APBA2: variants seen among roughly 807,000 people sequenced by gnomAD.
APBA2 encodes amyloid beta precursor protein binding family A member 2.
A neutral mutation model predicts 75.0 loss-of-function variants in APBA2; 30 were observed. That is an observed-to-expected ratio of 0.40 (90% CI 0.30 to 0.54). APBA2 has a LOEUF of 0.54. Ranked by LOEUF, APBA2 falls within the 20% of genes least tolerant of loss-of-function variation. The probability of loss-of-function intolerance (pLI) is 0.49; values close to 1 mark genes in which losing one functional copy is unlikely to be tolerated. For missense variants in APBA2, 801 were observed against 1,016.1 expected, an observed-to-expected ratio of 0.79 and a Z score of 2.88; for synonymous variants, 444 against 409.6, an observed-to-expected ratio of 1.08 and a Z score of -1.01.
chr15:29,103,599 C>T (rs2044241461), intron 10 of APBA2, among the ~76,000 whole-genome samples: 1 of 152,200 alleles, frequency 6.6e-6, no homozygotes, highest in Non-Finnish European at 1.5e-5. Flanking sequence ...CGGAAGGAGG[C>T]GCAGCCCCGC....
At chr15:28,999,124 G>A (rs1372019234) in intron 3 of APBA2, among the ~76,000 whole-genome samples, 1 of 150,964 alleles carries the variant, frequency 6.6e-6, no homozygotes, top group Non-Finnish European at 1.5e-5. Context: ...TCCAGCCTGG[G>A]TGACAGAATG....
At chr15:29,010,539 C>T (rs910983547) in intron 3 of APBA2, among the ~76,000 whole-genome samples, 2 of 152,096 alleles carry the variant, frequency 1.3e-5, no homozygotes, top group Non-Finnish European at 2.9e-5. Flanking sequence ...ATTACAGGTG[C>T]GAGCCACCAC....
rs151037155 is a variant in APBA2 at position 29,046,751 on chromosome 15, T to C, written c.-40-7094T>C. On this transcript the variant is annotated intron_variant, in intron 3 of 14. Transcript: ENST00000683413. This position sits in a 1 kb window ranked among gnomAD's most constrained non-coding sequence, Gnocchi z 5.0. ...CTGCATTGGAGGAGTGACTCTTGGC[T>C]TTTCACAAGGACCTCTCCCTGCTTT... Among the ~76,000 whole-genome samples the C allele has an allele frequency of 2.0e-5, 3 of 152,300 alleles. No individual in the cohort carries two copies. In the East Asian group the frequency reaches 5.8e-4, roughly 29 times the overall value.
rs192718132 is a variant in APBA2 at position 29,097,580 on chromosome 15, A to G, written c.1252-910A>G. Among the ~76,000 whole-genome samples the G allele has an allele frequency of 5.0e-3, 760 of 152,376 alleles. 1 individual carries two copies. Among genetic ancestry groups the G allele is most frequent in the Non-Finnish European group, 8.8e-3 (602 of 68,032 alleles). ...ATTGTATGTATTTGTTATGTACAAC[A>G]TAATATTTTGGAGCATATACACATT... On this transcript the variant is annotated intron_variant, in intron 8 of 14. Transcript: ENST00000683413.
intron 3 of APBA2, among the ~76,000 whole-genome samples, chr15:29,021,528 T>C (rs1185393838): frequency 6.6e-6 from 1 of 152,174 alleles, no homozygotes; most frequent in Non-Finnish European, 1.5e-5. Flanking sequence ...TGTACAACTT[T>C]GTGAGTTTAG....
intron 6 of APBA2, among the ~76,000 whole-genome samples, chr15:29,085,466 A>T (rs1202045243): frequency 6.7e-6 from 1 of 149,474 alleles, no homozygotes; most frequent in Non-Finnish European, 1.5e-5. Context: ...CGGAGCTTGC[A>T]GTGAGCCGAG....
chr15:28,982,491 C>T (rs1004335426), intron 2 of APBA2, among the ~76,000 whole-genome samples: 3 of 152,206 alleles, frequency 2.0e-5, no homozygotes, highest in Non-Finnish European at 4.4e-5. Context: ...ACCTTGTTAG[C>T]ACAGGTCCAG....
intron 3 of APBA2, among the ~76,000 whole-genome samples, chr15:29,002,684 G>T (rs74007035): frequency 0.028 from 4,328 of 152,184 alleles, 210 homozygotes; most frequent in African/African-American, 0.099. Context: ...AAGTGATTAT[G>T]TTGAAAAACA....
At chr15:29,008,429 C>T (rs2039236615) in intron 3 of APBA2, among the ~76,000 whole-genome samples, 1 of 151,852 alleles carries the variant, frequency 6.6e-6, no homozygotes, top group Admixed American at 6.6e-5. Flanking sequence ...TTTCTTACAA[C>T]GGAAAGGACT....
At chr15:28,987,003 G>A (rs2037960650) in intron 2 of APBA2, among the ~76,000 whole-genome samples, 2 of 152,262 alleles carry the variant, frequency 1.3e-5, no homozygotes, top group South Asian at 4.1e-4. Flanking sequence ...GGAAGGCTCA[G>A]GAGAGTTCTC....
intron 1 of APBA2, among the ~76,000 whole-genome samples, chr15:28,911,078 A>G (rs1328072446): frequency 1.3e-5 from 2 of 152,316 alleles, no homozygotes; most frequent in East Asian, 3.9e-4. Context: ...ATTTTGTTAG[A>G]AAAAAGAACC....
At chr15:28,950,844 A>G (rs2035828886) in intron 2 of APBA2, among the ~76,000 whole-genome samples, 1 of 152,120 alleles carries the variant, frequency 6.6e-6, no homozygotes, top group East Asian at 1.9e-4. Context: ...TTACATCAAT[A>G]TGGATTTGTG....
intron 3 of APBA2, among the ~76,000 whole-genome samples, chr15:29,041,747 A>C (rs1402635877): frequency 1.3e-5 from 2 of 152,162 alleles, no homozygotes; most frequent in Non-Finnish European, 2.9e-5. Flanking sequence ...GATTTAAAAA[A>C]CTAGATATTG....
rs186232830 is a variant in APBA2, at chr15:29,019,854, T to G, written c.-41+24048T>G. ...TAGGGGAGAGAGCAAGAAGCAGAAGTGCTGGCTGTCATCTGCATTCTGCAG... is the reference window on the plus strand; with the variant it reads ...TAGGGGAGAGAGCAAGAAGCAGAAGGGCTGGCTGTCATCTGCATTCTGCAG... On this transcript the variant is annotated intron_variant, in intron 3 of 14. Transcript: ENST00000683413. Among the ~76,000 whole-genome samples the G allele has an allele frequency of 2.6e-5, 4 of 152,346 alleles. No homozygotes were observed. The East Asian group carries it at 7.7e-4, about 29-fold the overall frequency.
intron 2 of APBA2, among the ~76,000 whole-genome samples, chr15:28,940,207 C>T (rs1325859153): frequency 6.6e-6 from 1 of 151,882 alleles, no homozygotes; most frequent in Admixed American, 6.6e-5. Context: ...AGGAAAGGTG[C>T]TGCGGGTTAA....
intron 2 of APBA2, among the ~76,000 whole-genome samples, chr15:28,922,490 A>G (rs2034023362): frequency 6.6e-6 from 1 of 152,126 alleles, no homozygotes; most frequent in South Asian, 2.1e-4. Flanking sequence ...AGCATCTTCT[A>G]CAGCCAGCCA....
chr15:28,981,555 G>A (rs1405776339), intron 2 of APBA2, among the ~76,000 whole-genome samples: 1 of 152,138 alleles, frequency 6.6e-6, no homozygotes, highest in Non-Finnish European at 1.5e-5. Flanking sequence ...ACACACTATT[G>A]GTAGGAATGT....
chr15:28,919,807 C>A (rs2033874730), intron 1 of APBA2, among the ~76,000 whole-genome samples: 1 of 152,198 alleles, frequency 6.6e-6, no homozygotes, highest in Non-Finnish European at 1.5e-5. Context: ...GATGTGATAA[C>A]CCCCTCCTCA....
chr15:29,061,660 G>A (rs2152902668), intron 4 of APBA2, among the ~76,000 whole-genome samples: 1 of 152,356 alleles, frequency 6.6e-6, no homozygotes. Context: ...CCGTGACTTG[G>A]CATTCAGTAG....
Sources: allele counts gnomAD v4.1 joint callset (sites outside exome capture counted in the v4.1 genomes callset), GRCh38; gene constraint gnomAD v4.1.1; non-coding constraint Gnocchi (gnomAD v3.1); transcripts MANE v1.5; gene names NCBI Gene and HGNC (gene_info 2026-07-23, HGNC 2026-07-21).